The following MARCHF1 variants were observed in gnomAD, a reference collection of about 807,000 sequenced individuals.
MARCHF1 encodes the protein membrane associated ring-CH-type finger 1.
MARCHF1 carries 40 observed loss-of-function variants against 54.2 expected under a neutral mutation model. The ratio of observed to expected loss-of-function variants is 0.74; its 90% CI spans 0.57 to 0.96. MARCHF1 has a LOEUF of 0.96. Ranked by LOEUF, MARCHF1 falls within the 40% of genes least tolerant of loss-of-function variation. The probability of loss-of-function intolerance (pLI) is 0.00; values close to 1 mark genes in which losing one functional copy is unlikely to be tolerated. For synonymous variants in MARCHF1, 236 were observed against 236.3 expected, an observed-to-expected ratio of 1.00 and a Z score of 0.01; for missense variants, 586 against 656.5, an observed-to-expected ratio of 0.89 and a Z score of 1.17.
chr4:164,160,719 C>T (rs565153796), intron 1 of MARCHF1, among the ~76,000 whole-genome samples: 1 of 152,286 alleles, frequency 6.6e-6, no homozygotes, highest in African/African-American at 2.4e-5. Context: ...CTCTTTCTCT[C>T]ATTACAAAAC....
chr4:163,564,111 C>T (rs1221344609), intron 8 of MARCHF1, among the ~76,000 whole-genome samples: 1 of 152,180 alleles, frequency 6.6e-6, no homozygotes, highest in Non-Finnish European at 1.5e-5. Context: ...CTCTCTTTTA[C>T]CACAACCTCC....
intron 3 of MARCHF1, among the ~76,000 whole-genome samples, chr4:163,920,827 C>G (rs916822510): frequency 6.6e-6 from 1 of 151,564 alleles, no homozygotes; most frequent in Admixed American, 6.6e-5. Flanking sequence ...ATAACTATGT[C>G]TCTATGTTTT....
intron 3 of MARCHF1, among the ~76,000 whole-genome samples, chr4:163,912,886 A>C (rs1751225344): frequency 6.6e-6 from 1 of 152,356 alleles, no homozygotes; most frequent in Non-Finnish European, 1.5e-5. Flanking sequence ...ACTTTAAAAA[A>C]TACGAAGAGC....
intron 2 of MARCHF1, among the ~76,000 whole-genome samples, chr4:164,107,377 T>C (rs1311183916): frequency 1.3e-5 from 2 of 152,160 alleles, no homozygotes; most frequent in Non-Finnish European, 2.9e-5. Context: ...TTATTAACTT[T>C]TAAGACAGAA....
At chr4:164,033,589 A>T (rs1157971546) in intron 2 of MARCHF1, among the ~76,000 whole-genome samples, 1 of 152,198 alleles carries the variant, frequency 6.6e-6, no homozygotes, top group Non-Finnish European at 1.5e-5. Context: ...AAAAAAACAA[A>T]CAATCCCATC....
At chr4:163,777,024 G>A (rs1479795521) in intron 4 of MARCHF1, among the ~76,000 whole-genome samples, 1 of 152,014 alleles carries the variant, frequency 6.6e-6, no homozygotes, top group African/African-American at 2.4e-5. Context: ...AAAATAATTT[G>A]TAATTCATAT....
At chr4:163,639,268 C>T (rs7663226) in intron 5 of MARCHF1, among the ~76,000 whole-genome samples, 93,839 of 151,966 alleles carry the variant, frequency 0.62, 30,964 homozygotes, top group African/African-American at 0.86. Flanking sequence ...TAATCCATAT[C>T]AGGTTGTAAT....
At chr4:163,653,859 T>C (rs1156759128) in intron 5 of MARCHF1, among the ~76,000 whole-genome samples, 12 of 151,846 alleles carry the variant, frequency 7.9e-5, no homozygotes, top group Middle Eastern at 6.8e-3. Flanking sequence ...TAGTTGGATA[T>C]ATAATATTGG....
chr4:164,327,177 A>G (rs1323360481), intron 1 of MARCHF1, among the ~76,000 whole-genome samples: 1 of 152,224 alleles, frequency 6.6e-6, no homozygotes. Flanking sequence ...AAATAGTTCA[A>G]TAAGGAGATG....
At chr4:163,647,293 T>C (rs1050800920) in intron 5 of MARCHF1, among the ~76,000 whole-genome samples, 1 of 151,916 alleles carries the variant, frequency 6.6e-6, no homozygotes, top group East Asian at 1.9e-4. Flanking sequence ...GAGGGAGAGA[T>C]AGACAGCAAT....
At chr4:164,104,260 T>G (rs1288460692) in intron 2 of MARCHF1, among the ~76,000 whole-genome samples, 5 of 130,082 alleles carry the variant, frequency 3.8e-5, no homozygotes, top group Admixed American at 7.9e-5. Flanking sequence ...CCCTAACTCA[T>G]TTTATGAGGC....
intron 4 of MARCHF1, among the ~76,000 whole-genome samples, chr4:163,739,927 C>T (rs1041359169): frequency 6.6e-6 from 1 of 152,182 alleles, no homozygotes; most frequent in Admixed American, 6.5e-5. Context: ...GGGCATTCCA[C>T]CCATAAGTCA....
At chr4:164,142,337 G>C (rs564310316) in intron 1 of MARCHF1, among the ~76,000 whole-genome samples, 4 of 152,158 alleles carry the variant, frequency 2.6e-5, no homozygotes, top group African/African-American at 4.8e-5. Context: ...AAGGAGGCCT[G>C]CCTGCCTCTG....
chr4:164,257,019 C>T (rs956716041), intron 1 of MARCHF1, among the ~76,000 whole-genome samples: 4 of 152,156 alleles, frequency 2.6e-5, no homozygotes, highest in Admixed American at 2.0e-4. Flanking sequence ...TTTGATGATA[C>T]ATTTCAAGAA....
chr4:164,006,791 C>G (rs1177679843), intron 2 of MARCHF1, among the ~76,000 whole-genome samples: 1 of 151,526 alleles, frequency 6.6e-6, no homozygotes, highest in East Asian at 1.9e-4. Flanking sequence ...CAACAGAAAC[C>G]ATACAGGTCA....
At chr4:164,191,022 G>A (rs1168996274) in intron 1 of MARCHF1, among the ~76,000 whole-genome samples, 1 of 152,120 alleles carries the variant, frequency 6.6e-6, no homozygotes, top group Non-Finnish European at 1.5e-5. Context: ...TCAATGGTCA[G>A]CTGACCTCAG....
At position 163,859,912 on chromosome 4, in the gene MARCHF1, G is replaced by A. The variant is rs143797982; in HGVS notation, c.-38-5743C>T. Reference sequence around the variant, plus strand: ...GTGATGACTGAAAATCTTCCTTATGGAATTGACTGTGTTAGTGTGGAACTC... The same window carrying A: ...GTGATGACTGAAAATCTTCCTTATGAAATTGACTGTGTTAGTGTGGAACTC... On this transcript the variant is annotated intron_variant, in intron 3 of 9. Transcript: ENST00000514618. 6.4e-3 allele frequency among the ~76,000 whole-genome samples: 978 copies of A among 152,274 alleles called. 8 individuals carry two copies. The highest frequency in any genetic ancestry group is 0.019 in the East Asian group (99 of 5,186).
intron 1 of MARCHF1, among the ~76,000 whole-genome samples, chr4:164,312,307 T>A (rs1352064743): frequency 6.8e-6 from 1 of 147,308 alleles, no homozygotes; most frequent in African/African-American, 2.5e-5. Context: ...ACCTGTGAAT[T>A]ATTTTCTTTT....
chr4:164,073,875 C>T (rs919837897), intron 2 of MARCHF1, among the ~76,000 whole-genome samples: 3 of 151,964 alleles, frequency 2.0e-5, no homozygotes, highest in Non-Finnish European at 4.4e-5. Context: ...GCAATTTCGG[C>T]TCACCGCAAA....
Sources: gnomAD v4.1 joint callset for allele counts (sites outside exome capture counted in the v4.1 genomes callset) on GRCh38, gnomAD v4.1.1 for gene constraint, MANE v1.5 for transcripts, NCBI Gene and HGNC (gene_info 2026-07-23, HGNC 2026-07-21) for gene names.